The following IMPG1 variants were observed in gnomAD, a reference collection of about 807,000 sequenced individuals.
The protein encoded by IMPG1 is interphotoreceptor matrix proteoglycan 1.
In IMPG1, 85 loss-of-function variants were observed where a neutral mutation model predicts 92.0. That is an observed-to-expected ratio of 0.92 (90% CI 0.78 to 1.11). IMPG1 has a LOEUF of 1.11. Among genes scored for constraint, IMPG1 ranks in the 50% least tolerant of loss-of-function variants. The pLI is 0.00. For synonymous variants in IMPG1, 367 were observed against 334.1 expected (o/e 1.10, Z -1.08); for missense variants, 1,022 against 956.0 (o/e 1.07, Z -0.91).
At chr6:76,017,152 T>G (rs1306119542) in intron 7 of IMPG1, among the ~76,000 whole-genome samples, 1 of 139,890 alleles carries the variant, frequency 7.1e-6, no homozygotes, top group Non-Finnish European at 1.5e-5. Context: ...GAAACTAGAG[T>G]GAAAAGGAGG....
chr6:76,018,864 T>G lies in IMPG1; in HGVS notation c.667-6A>C. On this transcript the variant is annotated splice_polypyrimidine_tract_variant and splice_region_variant and intron_variant, in intron 6 of 16. Transcript: ENST00000369950. ...GCGAATTCTGTTTCTCTTTCCTGAG[T>G]TTAAAAAAAAAAAAAAGGACTTCTG... 6.4e-7 allele frequency: 1 copy of G among 1,555,032 alleles called. No individual in the cohort carries two copies. Among genetic ancestry groups the G allele is most frequent in the Non-Finnish European group, 8.7e-7 (1 of 1,155,700 alleles).
chr6:76,040,614 C>A (rs1031450639), intron 2 of IMPG1, among the ~76,000 whole-genome samples: 1 of 152,156 alleles, frequency 6.6e-6, no homozygotes, highest in Non-Finnish European at 1.5e-5. Flanking sequence ...TAATATAGTG[C>A]CCTTGATTTT....
At chr6:76,032,468 A>T (rs994145831) in intron 4 of IMPG1, among the ~76,000 whole-genome samples, 4 of 152,190 alleles carry the variant, frequency 2.6e-5, no homozygotes, top group African/African-American at 9.7e-5. Flanking sequence ...TCTATAAAAG[A>T]GTGGCTTGAT....
chr6:76,062,204 C>T (rs1032405533), intron 1 of IMPG1, among the ~76,000 whole-genome samples: 15 of 152,196 alleles, frequency 9.9e-5, no homozygotes, highest in African/African-American at 3.1e-4. Flanking sequence ...AATTTTACTT[C>T]AGTGAATTTA....
chr6:75,969,349 C>T (rs1297711401), intron 12 of IMPG1, among the ~76,000 whole-genome samples: 1 of 152,086 alleles, frequency 6.6e-6, no homozygotes, highest in Non-Finnish European at 1.5e-5. Flanking sequence ...ATAATTCATA[C>T]ATTATTAGCC....
At chr6:76,034,491 T>G in intron 3 of IMPG1, 130 bp downstream of exon 3, 3 of 1,226,182 alleles carry the variant, frequency 2.4e-6, no homozygotes, top group Non-Finnish European at 3.5e-6. Flanking sequence ...TCTATTGGCC[T>G]AATCAGATAC....
Position 76,006,289 on chromosome 6 carries a change from A to G in IMPG1, c.888-755T>C, listed in dbSNP as rs1480474094. ...GGAAGGTCTATGAAATAGCAATGTA[A>G]GATATAGCAGTAGGACAATAGTATA... On this transcript the variant is annotated intron_variant, in intron 9 of 16. Transcript: ENST00000369950. Among the ~76,000 whole-genome samples, 3 of 150,266 alleles carry G rather than the reference A, an allele frequency of 2.0e-5. No individual in the cohort carries two copies. In the East Asian group the frequency reaches 5.8e-4, roughly 29 times the overall value.
At chr6:76,065,566 C>T (rs1199325112) in intron 1 of IMPG1, among the ~76,000 whole-genome samples, 1 of 151,956 alleles carries the variant, frequency 6.6e-6, no homozygotes, top group Non-Finnish European at 1.5e-5. Flanking sequence ...ACAAAGCCTT[C>T]ATGAAGTGGG....
rs200953805 is a variant in IMPG1, at chr6:76,022,209, G to T, written c.573C>A (p.Asn191Lys). 7.0e-6 allele frequency: 11 copies of T among 1,580,992 alleles called. No homozygotes were observed. Among genetic ancestry groups the T allele is most frequent in the Non-Finnish European group, 7.8e-6 (9 of 1,156,440 alleles). ...TGAGAGGGAAAGGCCCAAGTGAGAC[G>T]TTGGCAACATCTGTGAAAATTTTAA... ...ETIVISTDVA[N>K]VSLGPFPLTP... The change falls in exon 6 of 17, where the codon AAC becomes AAA. Residue 191 changes from asparagine (N) to lysine (K), a missense_variant. Transcript: ENST00000369950.
chr6:76,011,561 T>TTTTTA (rs896759767), intron 7 of IMPG1, among the ~76,000 whole-genome samples: 12 of 151,498 alleles, frequency 7.9e-5, no homozygotes, highest in African/African-American at 2.4e-5. Context: ...GAAGGAAACT[T>TTTTTA]TTTTATTTTA....
chr6:75,930,723 C>A (rs1362344399), intron 15 of IMPG1, among the ~76,000 whole-genome samples: 10 of 152,144 alleles, frequency 6.6e-5, no homozygotes, highest in Admixed American at 6.5e-5. Context: ...GTCCTAGGAC[C>A]AGCAGCATCA....
chr6:75,964,550 G>A (rs868293342), intron 12 of IMPG1, among the ~76,000 whole-genome samples: 9 of 151,720 alleles, frequency 5.9e-5, no homozygotes, highest in African/African-American at 1.5e-4. Flanking sequence ...GGTGGCGGGC[G>A]CCTGTAATCC....
chr6:75,975,411 G>T (rs970890688), intron 12 of IMPG1, among the ~76,000 whole-genome samples: 15 of 152,158 alleles, frequency 9.9e-5, no homozygotes, highest in Non-Finnish European at 2.2e-4. Context: ...TTATGAAATG[G>T]GTTTAAAAGA....
intron 12 of IMPG1, among the ~76,000 whole-genome samples, chr6:75,996,453 C>T (rs114193792): frequency 2.9e-4 from 44 of 152,250 alleles, no homozygotes; most frequent in African/African-American, 9.9e-4. Flanking sequence ...CTTTTATCCC[C>T]GCATAAGAGG....
At chr6:76,022,351 T>A in intron 5 of IMPG1, 132 bp from the exon 6 acceptor site, 1 of 457,476 alleles carries the variant, frequency 2.2e-6, no homozygotes, top group Non-Finnish European at 4.2e-6. Context: ...TGAACTCATC[T>A]TTTTAAGATC....
chr6:76,016,639 A>T (rs1783293446), intron 7 of IMPG1, among the ~76,000 whole-genome samples: 1 of 152,218 alleles, frequency 6.6e-6, no homozygotes, highest in Admixed American at 6.5e-5. Flanking sequence ...AGAGGTACGT[A>T]TTGAATTCTC....
chr6:75,938,794 C>T (rs1428503736), intron 14 of IMPG1, among the ~76,000 whole-genome samples: 2 of 148,920 alleles, frequency 1.3e-5, no homozygotes, highest in African/African-American at 2.5e-5. Flanking sequence ...GCCTGGACGA[C>T]AAGCCAGGCT....
Position 76,021,798 on chromosome 6 carries a change from T to TATATATATATATATAC in IMPG1, c.666+317_666+318insGTATATATATATATAT, listed in dbSNP as rs1169030839. Among the ~76,000 whole-genome samples the TATATATATATATATAC allele has an allele frequency of 2.7e-4, 38 of 140,716 alleles. 2 individuals are homozygous for TATATATATATATATAC. The highest frequency in any genetic ancestry group is 9.1e-4 in the African/African-American group (35 of 38,498). 92.3% of individuals were successfully genotyped at this position (140,716 alleles called of 152,430 possible). A position where few individuals can be genotyped will look rare whatever the true frequency, so the allele number is the denominator to read the frequency against. On this transcript the variant is annotated intron_variant, in intron 6 of 16. Transcript: ENST00000369950. ...GAGAGCATATATATATATATATATA[T>TATATATATATATATAC]ATATGGTTTTGTTATATATATATAT... is the stretch of plus-strand genomic sequence containing the variant.
At chr6:75,949,605 C>G (rs1781989846) in intron 13 of IMPG1, among the ~76,000 whole-genome samples, 2 of 152,092 alleles carry the variant, frequency 1.3e-5, no homozygotes, top group Non-Finnish European at 2.9e-5. Context: ...TGGACTTGCC[C>G]TGAATTCTTT....
Sources: allele counts gnomAD v4.1 joint callset (sites outside exome capture counted in the v4.1 genomes callset), GRCh38; gene constraint gnomAD v4.1.1; transcripts MANE v1.5; gene names NCBI Gene and HGNC (gene_info 2026-07-23, HGNC 2026-07-21).